SLC9A5: variants seen among roughly 807,000 people sequenced by gnomAD.
The protein encoded by SLC9A5 is sodium/hydrogen exchanger 5.
Under a neutral mutation model 91.7 loss-of-function variants are expected in SLC9A5, and 52 were observed. That is an observed-to-expected ratio of 0.57 (90% CI 0.45 to 0.71). The LOEUF is 0.71. SLC9A5 is among the 30% of genes least tolerant of loss of function. The pLI, the probability that SLC9A5 is intolerant of heterozygous loss-of-function variation, is 0.00. For missense variants in SLC9A5, 871 were observed against 1,158.9 expected, an observed-to-expected ratio of 0.75 and a Z score of 3.61; for synonymous variants, 419 against 474.5, an observed-to-expected ratio of 0.88 and a Z score of 1.52.
rs1029886067 is a variant in SLC9A5 at position 67,258,564 on chromosome 16, G to A, written c.1626+117G>A. ...GCAGGGAGTTGGGAATTCCTAGCTG[G>A]CTCCATGGTCTGGTGAAGTGGCAGC... is the stretch of plus-strand genomic sequence containing the variant. On this transcript the variant is annotated intron_variant, in intron 10 of 15. Transcript: ENST00000299798. This position sits in a 1 kb window ranked among gnomAD's most constrained non-coding sequence, Gnocchi z 4.5. 2.0e-5 allele frequency: 25 copies of A among 1,238,304 alleles called. No homozygotes were observed. Among genetic ancestry groups the A allele is most frequent in the Non-Finnish European group, 2.6e-5 (22 of 860,754 alleles). 76.7% of individuals were successfully genotyped at this position (1,238,304 alleles called of 1,614,324 possible). A position where few individuals can be genotyped will look rare whatever the true frequency, so the allele number is the denominator to read the frequency against.
chr16:67,265,883 C>A (rs1356594741), intron 14 of SLC9A5, among the ~76,000 whole-genome samples: 2 of 152,172 alleles, frequency 1.3e-5, no homozygotes, highest in African/African-American at 4.8e-5. Flanking sequence ...TTCCTCTGGT[C>A]GCTTCCTTGG....
intron 12 of SLC9A5, chr16:67,262,578 A>G (rs2035566538): frequency 3.5e-6 from 1 of 282,330 alleles, no homozygotes; most frequent in Admixed American, 4.3e-5. Context: ...TGTTCTTACT[A>G]AGTTCCCCAG....
chr16:67,259,986 G>A (rs750616601), intron 12 of SLC9A5, 40 bp downstream of exon 12: 2 of 1,602,780 alleles, frequency 1.2e-6, no homozygotes, highest in East Asian at 2.2e-5. Context: ...GGGGGTGGAG[G>A]TGGTCTGAGG....
chr16:67,254,377 G>T (rs1391303004), intron 2 of SLC9A5, among the ~76,000 whole-genome samples: 1 of 152,102 alleles, frequency 6.6e-6, no homozygotes, highest in African/African-American at 2.4e-5. Flanking sequence ...TTGCTACAGT[G>T]CTTTTTCCCT....
In SLC9A5 at chr16:67,249,107, C is replaced by A. The variant is rs759221391; in HGVS notation, c.93C>A (p.Pro31=). The A allele has an allele frequency of 1.3e-6, 2 of 1,547,836 alleles. No homozygotes were observed. The highest frequency in any genetic ancestry group is 2.5e-5 in the East Asian group (1 of 40,062). ...TQKPESPGEP[P]PGLELFRWQW... is the part of the protein sequence containing the mutation. ...AGCCAGAGTCCCCGGGCGAGCCTCCCCCAGGCTTAGAGCTCTTCCGCTGGC... is the reference window on the plus strand; with the variant it reads ...AGCCAGAGTCCCCGGGCGAGCCTCCACCAGGCTTAGAGCTCTTCCGCTGGC... Residue 31 remains proline (P), a synonymous_variant, in exon 1 of 16, where the codon CCC becomes CCA. Transcript: ENST00000299798.
In SLC9A5 at chr16:67,270,201, T is replaced by G. The variant is rs966179946; in HGVS notation, c.2219-537T>G. Among the ~76,000 whole-genome samples the G allele has an allele frequency of 1.3e-5, 2 of 152,178 alleles. No individual in the cohort carries two copies. The highest frequency in any genetic ancestry group is 4.8e-5 in the African/African-American group (2 of 41,446). On this transcript the variant is annotated intron_variant, in intron 15 of 15. Transcript: ENST00000299798. This position sits in a 1 kb window ranked among gnomAD's most constrained non-coding sequence, Gnocchi z 4.3. ...TTCTTATTTTTTATTTTTATTTATT[T>G]TTTATATAGAGTCTCACTCTTTCAC...
rs2035446303 is a variant in SLC9A5, at chr16:67,259,464, T to C, written c.1627-109T>C. The stretch of plus-strand genomic sequence containing the variant: ...AAAGTGCCTAGCAGAGTACCTGGCA[T>C]GTCAAAAGAGTAAACTAAGTGTTCG... On this transcript the variant is annotated intron_variant, in intron 10 of 15. Coordinates refer to ENST00000299798, the MANE Select transcript of SLC9A5 (RefSeq NM_004594.3). 5.2e-6 allele frequency: 4 copies of C among 765,020 alleles called. No individual in the cohort carries two copies. The South Asian group carries it at 6.2e-5, about 12-fold the overall frequency. The allele number at this position is 765,020 out of a possible 1,614,324, so 47.4% of individuals were successfully genotyped here.
At position 67,259,936 on chromosome 16, in the gene SLC9A5, C is replaced by A; in HGVS notation, c.1832C>A (p.Pro611Gln). ...HHLLCGGLYK[P>Q]RRRYKASCSR... ...CTGCTCTGCGGAGGCCTCTACAAGC[C>A]GCGCCGTAGGGTGAGAGCAGGCAGG... The change falls in exon 12 of 16, where the codon CCG becomes CAG. Residue 611 changes from proline to glutamine, a missense_variant. By Grantham distance (76) the Pro-to-Gln change is moderately conservative (BLOSUM62 -1). Transcript: ENST00000299798. The A allele has an allele frequency of 6.2e-7, 1 of 1,613,874 alleles. No individual in the cohort carries two copies. Among genetic ancestry groups the A allele is most frequent in the Non-Finnish European group, 8.5e-7 (1 of 1,179,948 alleles).
At chr16:67,251,897 T>G (rs1345262565) in intron 1 of SLC9A5, among the ~76,000 whole-genome samples, 1 of 152,058 alleles carries the variant, frequency 6.6e-6, no homozygotes, top group Admixed American at 6.6e-5. Context: ...TTCTTACATA[T>G]AAAAAGATAC....
At position 67,255,553 on chromosome 16, in the gene SLC9A5, A is replaced by C; in HGVS notation, c.733+82A>C. On this transcript the variant is annotated intron_variant, in intron 4 of 15. Coordinates refer to ENST00000299798, the MANE Select transcript of SLC9A5 (RefSeq NM_004594.3). This position sits in a 1 kb window ranked among gnomAD's most constrained non-coding sequence, Gnocchi z 4.9. ...AGGCCCTCCCACCCCGCATCAGGAC[A>C]GAAGAGGCTATTCGGGTTGCCTCAT... is the stretch of plus-strand genomic sequence containing the variant. The C allele has an allele frequency of 7.0e-7, 1 of 1,436,936 alleles. No individual in the cohort carries two copies. Among genetic ancestry groups the C allele is most frequent in the Non-Finnish European group, 9.8e-7 (1 of 1,021,202 alleles). The allele number at this position is 1,436,936 out of a possible 1,614,324, so 89.0% of individuals were successfully genotyped here.
intron 12 of SLC9A5, among the ~76,000 whole-genome samples, chr16:67,260,336 C>T (rs2035487149): frequency 1.1e-5 from 1 of 94,154 alleles, no homozygotes; most frequent in African/African-American, 6.3e-5. Flanking sequence ...GCCTGGGTAA[C>T]AGAGCAAGAC....
chr16:67,256,392 T>A lies in SLC9A5; in HGVS notation c.912-77T>A. On this transcript the variant is annotated intron_variant, in intron 5 of 15. Transcript: ENST00000299798. This position sits in a 1 kb window ranked among gnomAD's most constrained non-coding sequence, Gnocchi z 4.1. ...TCCTGTAATGGGCAATGCCCCCTCC[T>A]GCAGTATGCTCAAACCCTGGAGGCT... 1 of 988,846 alleles carries A rather than the reference T, an allele frequency of 1.0e-6. No homozygotes were observed. The highest frequency in any genetic ancestry group is 1.6e-6 in the Non-Finnish European group (1 of 629,050). The allele number at this position is 988,846 out of a possible 1,614,324, so 61.3% of individuals were successfully genotyped here. A position where few individuals can be genotyped will look rare whatever the true frequency, so the allele number is the denominator to read the frequency against.
intron 12 of SLC9A5, chr16:67,262,774 AC>A (rs1455675343): frequency 1.2e-5 from 2 of 161,168 alleles, no homozygotes; most frequent in South Asian, 1.8e-4. Context: ...AAGACAAGGA[AC>A]CCTTGGAGAA....
At chr16:67,259,526 C>A (rs2035448397) in intron 10 of SLC9A5, 47 bp from the exon 11 acceptor site, 2 of 1,402,696 alleles carry the variant, frequency 1.4e-6, no homozygotes, top group South Asian at 1.2e-5. Context: ...GACTCCTGGG[C>A]AACCCTCCAT....
At position 67,257,124 on chromosome 16, in the gene SLC9A5, C is replaced by G. The variant is rs762581867; in HGVS notation, c.1335+11C>G. 1 of 1,604,062 alleles carries G rather than the reference C, an allele frequency of 6.2e-7. No homozygotes were observed. Among genetic ancestry groups the G allele is most frequent in the Non-Finnish European group, 8.5e-7 (1 of 1,177,328 alleles). ...ACAGTCATCGTGCAGGTGGGAGTGC[C>G]CACAAGGCTGGGTAGGGAGAGGGTT... On this transcript the variant is annotated intron_variant, in intron 7 of 15. Transcript: ENST00000299798. This position sits in a 1 kb window ranked among gnomAD's most constrained non-coding sequence, Gnocchi z 5.1.
Position 67,258,468 on chromosome 16 carries a change from TG to T in SLC9A5, c.1626+24del. 1 of 1,613,800 alleles carries T rather than the reference TG, an allele frequency of 6.2e-7. No individual in the cohort carries two copies. The highest frequency in any genetic ancestry group is 8.5e-7 in the Non-Finnish European group (1 of 1,179,906). On this transcript the variant is annotated intron_variant, in intron 10 of 15. Coordinates refer to ENST00000299798, the MANE Select transcript of SLC9A5 (RefSeq NM_004594.3). This position sits in a 1 kb window ranked among gnomAD's most constrained non-coding sequence, Gnocchi z 4.5. ...ACCAGGTGGGCCAGCAGCTTCCAGG[TG>T]GGCCAGTGGTGGGTGGGCAGATGGT... is the stretch of plus-strand genomic sequence containing the variant.
rs1255117182 is a variant in SLC9A5, at chr16:67,252,771, C to T, written c.417C>T (p.Ala139=). The part of the protein sequence containing the change: ...FDNLGAILTY[A]VVGTLWNAFT... ...ACTTGGGTGCCATCCTCACCTATGC[C>T]GTGGTAGGCACACTCTGGAATGCCT... Residue 139 remains alanine (A), a synonymous_variant, in exon 2 of 16, where the codon GCC becomes GCT. Transcript: ENST00000299798. This position sits in a 1 kb window ranked among gnomAD's most constrained non-coding sequence, Gnocchi z 4.0. 7 of 1,614,110 alleles carry T rather than the reference C, an allele frequency of 4.3e-6. No homozygotes were observed. Among genetic ancestry groups the T allele is most frequent in the South Asian group, 1.1e-5 (1 of 91,076 alleles).
chr16:67,266,134 C>T lies in SLC9A5; in HGVS notation c.2127C>T (p.Ser709=), dbSNP rs746142349. 17 of 1,611,228 alleles carry T rather than the reference C, an allele frequency of 1.1e-5. No homozygotes were observed. The highest frequency in any genetic ancestry group is 2.2e-5 in the East Asian group (1 of 44,584). ...AGTCTGAGGAGGAGGAGGAGGAGAG[C>T]GACAGTTCAGAGACAGAGAAGGAGG... ...TVESEEEEEE[S]DSSETEKEDD... The change falls in exon 15 of 16, where the codon AGC becomes AGT. Residue 709 remains serine, a synonymous_variant. Transcript: ENST00000299798.
Position 67,257,154 on chromosome 16 carries a change from A to G in SLC9A5, c.1335+41A>G. ...AGGCTGGGTAGGGAGAGGGTTGGGCAGGCCCTGGGGGAGTCTTGGAGCCTG... is the reference window on the plus strand; with the variant it reads ...AGGCTGGGTAGGGAGAGGGTTGGGCGGGCCCTGGGGGAGTCTTGGAGCCTG... On this transcript the variant is annotated intron_variant, in intron 7 of 15. Coordinates refer to ENST00000299798, the MANE Select transcript of SLC9A5 (RefSeq NM_004594.3). This position sits in a 1 kb window ranked among gnomAD's most constrained non-coding sequence, Gnocchi z 5.1. 6.4e-7 allele frequency: 1 copy of G among 1,573,018 alleles called. No homozygotes were observed. Among genetic ancestry groups the G allele is most frequent in the Non-Finnish European group, 8.7e-7 (1 of 1,155,962 alleles).
Sources: allele counts gnomAD v4.1 joint callset (sites outside exome capture counted in the v4.1 genomes callset), GRCh38; gene constraint gnomAD v4.1.1; non-coding constraint Gnocchi (gnomAD v3.1); transcripts MANE v1.5; gene names NCBI Gene and HGNC (gene_info 2026-07-23, HGNC 2026-07-21).